The following PLPP3 variants were observed in gnomAD, a reference collection of about 807,000 sequenced individuals.
The protein encoded by PLPP3 is PAP2 beta.
A neutral mutation model predicts 29.6 loss-of-function variants in PLPP3; 6 were observed. The ratio of observed to expected loss-of-function variants is 0.20; its 90% CI spans 0.11 to 0.40. The LOEUF is 0.40. Ranked by LOEUF, PLPP3 falls within the 10% of genes least tolerant of loss-of-function variation. The probability of loss-of-function intolerance (pLI) is 1.00; values close to 1 mark genes in which losing one functional copy is unlikely to be tolerated. For missense variants in PLPP3, 308 were observed against 407.7 expected (o/e 0.76, Z 2.11); for synonymous variants, 152 against 159.7 (o/e 0.95, Z 0.36).
chr1:56,528,651 T>G (rs533016243), intron 2 of PLPP3, among the ~76,000 whole-genome samples: 1 of 151,900 alleles, frequency 6.6e-6, no homozygotes, highest in Admixed American at 6.6e-5. Context: ...AAAGTTAACT[T>G]TTTTCTTCCC....
chr1:56,537,151 A>G (rs761031542), intron 1 of PLPP3, 39 bp from the exon 2 acceptor site: 5 of 1,587,422 alleles, frequency 3.1e-6, no homozygotes, highest in South Asian at 1.1e-5. Flanking sequence ...CAGAAAAAAA[A>G]AGAAAAAAAG....
chr1:56,579,199 G>A lies in PLPP3; in HGVS notation c.-183C>T. The A allele has an allele frequency of 1.5e-6, 1 of 670,796 alleles. No homozygotes were observed. The highest frequency in any genetic ancestry group is 2.1e-5 in the South Asian group (1 of 48,222). 41.6% of individuals were successfully genotyped at this position (670,796 alleles called of 1,614,324 possible). A position where few individuals can be genotyped will look rare whatever the true frequency, so the allele number is the denominator to read the frequency against. On this transcript the variant is annotated 5_prime_UTR_variant, in exon 1 of 6. Transcript: ENST00000371250. ...CCTGCCTCCAACTGCAGAAGGTGGTGTTTTCTGCTCCTCCTGCGCGCCTCT... is the reference window on the plus strand; with the variant it reads ...CCTGCCTCCAACTGCAGAAGGTGGTATTTTCTGCTCCTCCTGCGCGCCTCT...
In PLPP3 at chr1:56,548,046, A is replaced by G. The variant is rs74856030; in HGVS notation, c.140-10934T>C. Among the ~76,000 whole-genome samples, 150 of 152,348 alleles carry G rather than the reference A, an allele frequency of 9.8e-4. 3 individuals are homozygous for G. The East Asian group carries it at 0.028, about 28-fold the overall frequency. On this transcript the variant is annotated intron_variant, in intron 1 of 5. Transcript: ENST00000371250. ...TCAAGCTGTTTACATGATGCCAATC[A>G]ACTGGCTTGACTGGTTTCCTCACTA...
chr1:56,558,428 G>A lies in PLPP3; in HGVS notation c.139+20450C>T, dbSNP rs960524079. On this transcript the variant is annotated intron_variant, in intron 1 of 5. Transcript: ENST00000371250. Reference sequence around the variant, plus strand: ...TATGATTCTCTGGCAGGACTCCAAGGTAACTTTTCAAAGATCAGATAAACT... The same window carrying A: ...TATGATTCTCTGGCAGGACTCCAAGATAACTTTTCAAAGATCAGATAAACT... 3.3e-5 allele frequency among the ~76,000 whole-genome samples: 5 copies of A among 152,266 alleles called. No homozygotes were observed. In the East Asian group the frequency reaches 5.8e-4, roughly 18 times the overall value.
intron 1 of PLPP3, among the ~76,000 whole-genome samples, chr1:56,565,007 A>C (rs1646152024): frequency 6.6e-6 from 1 of 152,246 alleles, no homozygotes; most frequent in Non-Finnish European, 1.5e-5. Flanking sequence ...ACATCCATTA[A>C]GGCTAAGATG....
At position 56,536,958 on chromosome 1, in the gene PLPP3, G is replaced by A. The variant is rs750545999; in HGVS notation, c.294C>T (p.Leu98=). ...LCAVGIVIAI[L]AIITGEFYRI... is the part of the protein sequence containing the mutation. ...ATAGCAGAGTCTGGACACTTACCGC[G>A]AGGATGGCAATGACGATCCCCACGG... The change falls in exon 2 of 6, where the codon CTC becomes CTT. Residue 98 remains leucine, a synonymous_variant. Coordinates refer to ENST00000371250, the MANE Select transcript of PLPP3 (RefSeq NM_003713.5). 2.4e-5 allele frequency: 39 copies of A among 1,613,430 alleles called. No homozygotes were observed. The highest frequency in any genetic ancestry group is 1.1e-4 in the East Asian group (5 of 44,846).
At chr1:56,537,198 GAA>G in intron 1 of PLPP3, 86 bp from the exon 2 acceptor site, 1 of 1,384,586 alleles carries the variant, frequency 7.2e-7, no homozygotes, top group Non-Finnish European at 9.9e-7. Flanking sequence ...GGAACTTCAA[GAA>G]AAGACCATCC....
chr1:56,551,105 G>A (rs1157315544), intron 1 of PLPP3, among the ~76,000 whole-genome samples: 1 of 152,102 alleles, frequency 6.6e-6, no homozygotes, highest in Non-Finnish European at 1.5e-5. Flanking sequence ...CCTCACCTCA[G>A]AATGGAAACT....
At chr1:56,506,811 T>C (rs74578056) in intron 5 of PLPP3, among the ~76,000 whole-genome samples, 1 of 152,140 alleles carries the variant, frequency 6.6e-6, no homozygotes, top group South Asian at 2.1e-4. Flanking sequence ...GTTTTTTTTT[T>C]ATTCGTCTGT....
At chr1:56,575,155 C>T (rs4266914) in intron 1 of PLPP3, among the ~76,000 whole-genome samples, 2,339 of 152,124 alleles carry the variant, frequency 0.015, 25 homozygotes, top group Middle Eastern at 0.037. Context: ...TGTTTAATGG[C>T]AATAATAGAC....
At chr1:56,559,556 A>T (rs1361213992) in intron 1 of PLPP3, among the ~76,000 whole-genome samples, 3 of 145,192 alleles carry the variant, frequency 2.1e-5, no homozygotes, top group African/African-American at 7.6e-5. Flanking sequence ...CCAGCCTTGA[A>T]TTTTTTTTTT....
chr1:56,520,018 A>C (rs1339555552), intron 4 of PLPP3, among the ~76,000 whole-genome samples: 1 of 152,106 alleles, frequency 6.6e-6, no homozygotes, highest in Non-Finnish European at 1.5e-5. Context: ...GTTTGTCTTG[A>C]TGGCTCCCCA....
At chr1:56,576,782 T>C (rs1349013320) in intron 1 of PLPP3, among the ~76,000 whole-genome samples, 1 of 152,054 alleles carries the variant, frequency 6.6e-6, no homozygotes, top group Non-Finnish European at 1.5e-5. Context: ...AGTGGGGAAA[T>C]GAAGAACTGA....
chr1:56,547,826 T>TCAGA (rs1275479508), intron 1 of PLPP3, among the ~76,000 whole-genome samples: 3 of 152,168 alleles, frequency 2.0e-5, no homozygotes, highest in Non-Finnish European at 2.9e-5. Flanking sequence ...AGAAAGCAAC[T>TCAGA]CAGACCTGGG....
chr1:56,524,806 A>ATG lies in PLPP3; in HGVS notation c.298-254_298-253dup, dbSNP rs3835682. On this transcript the variant is annotated intron_variant, in intron 2 of 5. Coordinates refer to ENST00000371250, the MANE Select transcript of PLPP3 (RefSeq NM_003713.5). This position sits in a 1 kb window ranked among gnomAD's most constrained non-coding sequence, Gnocchi z 4.3. ...AATATATTTATATGTATATATGTGT[A>ATG]TGTGTGTGTGTGTGTGTGTGTGTGT... Among the ~76,000 whole-genome samples, 994 of 148,248 alleles carry ATG rather than the reference A, an allele frequency of 6.7e-3. 6 individuals are homozygous for ATG. Among genetic ancestry groups the ATG allele is most frequent in the South Asian group, 0.019 (88 of 4,636 alleles).
At chr1:56,516,629 C>A (rs1645782937) in intron 4 of PLPP3, among the ~76,000 whole-genome samples, 1 of 152,022 alleles carries the variant, frequency 6.6e-6, no homozygotes, top group African/African-American at 2.4e-5. Context: ...AGAGAATCAG[C>A]CCTCTGAAAC....
chr1:56,533,583 A>C (rs1312786624), intron 2 of PLPP3, among the ~76,000 whole-genome samples: 1 of 147,198 alleles, frequency 6.8e-6, no homozygotes, highest in African/African-American at 2.5e-5. Context: ...GTTAGCTGTA[A>C]GAATCAACCT....
chr1:56,551,601 T>A (rs550296987), intron 1 of PLPP3, among the ~76,000 whole-genome samples: 1 of 152,282 alleles, frequency 6.6e-6, no homozygotes, highest in East Asian at 1.9e-4. Flanking sequence ...ACAGGATCCA[T>A]GAGAAACAAT....
chr1:56,540,855 TG>T (rs1313350397), intron 1 of PLPP3, among the ~76,000 whole-genome samples: 8 of 152,164 alleles, frequency 5.3e-5, no homozygotes. Context: ...CACTGTGCCT[TG>T]CCCTTCCAGG....
Sources: gnomAD v4.1 joint callset for allele counts (sites outside exome capture counted in the v4.1 genomes callset) on GRCh38, gnomAD v4.1.1 for gene constraint, Gnocchi (gnomAD v3.1) non-coding constraint, MANE v1.5 for transcripts, NCBI Gene and HGNC (gene_info 2026-07-23, HGNC 2026-07-21) for gene names.